PHLPP1: variants seen among roughly 807,000 people sequenced by gnomAD.
The protein encoded by PHLPP1 is PH domain and leucine rich repeat protein phosphatase 1.
Under a neutral mutation model 117.2 loss-of-function variants are expected in PHLPP1, and 42 were observed. The observed-to-expected ratio is 0.36, with a 90% CI of 0.28 to 0.46. The LOEUF (loss-of-function observed/expected upper bound fraction) is 0.46. Ranked by LOEUF, PHLPP1 falls within the 20% of genes least tolerant of loss-of-function variation. PHLPP1 has a pLI of 1.00. For synonymous variants in PHLPP1, 1,042 were observed against 970.7 expected (o/e 1.07, Z -1.37); for missense variants, 2,084 against 2,241.9 (o/e 0.93, Z 1.42).
rs114316688 is a variant in PHLPP1 at position 62,916,605 on chromosome 18, G to T, written c.2804+1597G>T. On this transcript the variant is annotated intron_variant, in intron 9 of 16. Coordinates refer to ENST00000262719, the MANE Select transcript of PHLPP1 (RefSeq NM_194449.4). ...AGCCATCACCATTAACAAGAGGGTG[G>T]GTGTGTGTGTGTGTGTGTGTGTGTG... Among the ~76,000 whole-genome samples, 98 of 145,844 alleles carry T rather than the reference G, an allele frequency of 6.7e-4. 1 individual carries two copies. The highest frequency in any genetic ancestry group is 4.6e-3 in the East Asian group (23 of 4,992).
rs1465276387 is a variant in PHLPP1, at chr18:62,850,067, A to C, written c.1900-10368A>C. ...CTTGTATATTAGACTTGGAAATTAA[A>C]CATCAATTTTTTTTTTTTTTTTGTA... On this transcript the variant is annotated intron_variant, in intron 3 of 16. Transcript: ENST00000262719. Among the ~76,000 whole-genome samples the C allele has an allele frequency of 3.7e-5, 5 of 136,598 alleles. No homozygotes were observed. The Admixed American group carries it at 3.9e-4, about 11-fold the overall frequency. The allele number at this position is 136,598 out of a possible 152,430, so 89.6% of individuals were successfully genotyped here.
chr18:62,957,262 AG>A (rs1184297649), intron 12 of PHLPP1, among the ~76,000 whole-genome samples: 36 of 152,202 alleles, frequency 2.4e-4, no homozygotes, highest in Non-Finnish European at 4.9e-4. Context: ...CTCTTTTTAC[AG>A]TACACCTTAT....
At chr18:62,843,515 T>G (rs1387104621) in intron 3 of PHLPP1, among the ~76,000 whole-genome samples, 1 of 152,250 alleles carries the variant, frequency 6.6e-6, no homozygotes, top group East Asian at 1.9e-4. Context: ...ATACTTATTA[T>G]TTTTAAACTT....
At chr18:62,868,741 C>T (rs905449643) in intron 4 of PHLPP1, among the ~76,000 whole-genome samples, 5 of 152,140 alleles carry the variant, frequency 3.3e-5, no homozygotes, top group Middle Eastern at 3.4e-3. Flanking sequence ...TTTCCCAAAC[C>T]TATCATTGAT....
intron 4 of PHLPP1, among the ~76,000 whole-genome samples, chr18:62,865,488 A>T (rs539198858): frequency 6.6e-6 from 1 of 152,202 alleles, no homozygotes; most frequent in East Asian, 1.9e-4. Context: ...TGAGGTTTGA[A>T]ATTATTGGGA....
chr18:62,871,842 A>G (rs1915911844), intron 4 of PHLPP1, among the ~76,000 whole-genome samples: 1 of 151,666 alleles, frequency 6.6e-6, no homozygotes. Flanking sequence ...ATGGGGTTTC[A>G]CCATGTTGGC....
At chr18:62,826,778 GGATCAC>G (rs1339871357) in intron 1 of PHLPP1, among the ~76,000 whole-genome samples, 2 of 152,088 alleles carry the variant, frequency 1.3e-5, no homozygotes, top group African/African-American at 4.8e-5. Flanking sequence ...CGAGGTGGGT[GGATCAC>G]GAGGTCAGGA....
chr18:62,769,946 G>A (rs962709198), intron 1 of PHLPP1, among the ~76,000 whole-genome samples: 4 of 151,980 alleles, frequency 2.6e-5, no homozygotes, highest in Non-Finnish European at 4.4e-5. Flanking sequence ...GTGAAATCTT[G>A]GACAACTCAT....
rs1454275142 is a variant in PHLPP1, at chr18:62,716,266, G to A, written c.583G>A (p.Val195Met). 6.5e-7 allele frequency: 1 copy of A among 1,530,950 alleles called. No individual in the cohort carries two copies. Among genetic ancestry groups the A allele is most frequent in the South Asian group, 1.2e-5 (1 of 83,232 alleles). The allele number at this position is 1,530,950 out of a possible 1,614,324, so 94.8% of individuals were successfully genotyped here. Reference sequence around the variant, plus strand: ...GCTGCAGCCGTCGGACCGGGACTGGGTGAGGCACCAGCTCCAGCGCGGCTG... The same window carrying A: ...GCTGCAGCCGTCGGACCGGGACTGGATGAGGCACCAGCTCCAGCGCGGCTG... Reference protein sequence around the residue: ...LQLQPSDRDWVRHQLQRGCVH... With the variant: ...LQLQPSDRDWMRHQLQRGCVH... The change falls in exon 1 of 17, where the codon GTG (valine) becomes ATG (methionine). Residue 195 changes from valine (V) to methionine (M), a missense_variant. This residue lies in a region of PHLPP1 where 719 missense variants were observed against 636.0 expected (regional missense o/e 1.13). Transcript: ENST00000262719. The surrounding 1 kb of genome is among the most constrained non-coding windows in gnomAD (Gnocchi z 5.7).
chr18:62,971,211 C>T (rs1003897044), intron 14 of PHLPP1, among the ~76,000 whole-genome samples: 5 of 152,086 alleles, frequency 3.3e-5, no homozygotes, highest in Admixed American at 6.6e-5. Context: ...CTTGCAGTAT[C>T]TGTAGTTTTA....
chr18:62,773,114 G>A (rs1912844603), intron 1 of PHLPP1, among the ~76,000 whole-genome samples: 1 of 152,100 alleles, frequency 6.6e-6, no homozygotes, highest in Non-Finnish European at 1.5e-5. Flanking sequence ...ATTTTGTCAT[G>A]CTGGGAACCC....
In PHLPP1 at chr18:62,763,811, G is replaced by A. The variant is rs79854599; in HGVS notation, c.1576+46552G>A. 5.5e-3 allele frequency among the ~76,000 whole-genome samples: 829 copies of A among 152,054 alleles called. 13 individuals carry two copies. Among genetic ancestry groups the A allele is most frequent in the African/African-American group, 0.019 (789 of 41,486 alleles). On this transcript the variant is annotated intron_variant, in intron 1 of 16. Transcript: ENST00000262719. ...CACCAGAGATTTTTTTTTCTATGGG[G>A]CAGACCTAGATTCTGTCTCTTCAGT...
At chr18:62,922,267 G>C (rs1242192789) in intron 10 of PHLPP1, among the ~76,000 whole-genome samples, 1 of 152,130 alleles carries the variant, frequency 6.6e-6, no homozygotes, top group Admixed American at 6.5e-5. Flanking sequence ...CTCCCAAATA[G>C]CCGGGATTAC....
At position 62,979,077 on chromosome 18, in the gene PHLPP1, C is replaced by A. The variant is rs201801818; in HGVS notation, c.4800C>A (p.Asn1600Lys). 6.2e-7 allele frequency: 1 copy of A among 1,613,850 alleles called. No individual in the cohort carries two copies. The highest frequency in any genetic ancestry group is 1.1e-5 in the South Asian group (1 of 91,056). Residue 1600 changes from asparagine (N) to lysine (K), a missense_variant, in exon 17 of 17, where the codon AAC becomes AAA. Asn to Lys is a moderately conservative substitution (Grantham distance 94). Around this residue, in one of 2 missense-constraint regions of PHLPP1, gnomAD observed 1,365 missense variants for 1,605.9 expected, o/e 0.85. Coordinates refer to ENST00000262719, the MANE Select transcript of PHLPP1 (RefSeq NM_194449.4). ...ASDEGIVISANEDEPGLPRKA... is the reference protein window; with the variant it reads ...ASDEGIVISAKEDEPGLPRKA... ...ATGAGGGCATTGTCATCAGCGCCAA[C>A]GAGGATGAGCCAGGTCTGCCCAGGA... is the stretch of plus-strand genomic sequence containing the variant.
intron 2 of PHLPP1, among the ~76,000 whole-genome samples, chr18:62,835,225 CAG>C (rs1297144769): frequency 6.8e-6 from 1 of 146,124 alleles, no homozygotes; most frequent in African/African-American, 2.5e-5. Flanking sequence ...TTTTTTGAGA[CAG>C]AGTCTGTCTC....
chr18:62,775,122 G>A (rs922132599), intron 1 of PHLPP1, among the ~76,000 whole-genome samples: 4 of 152,054 alleles, frequency 2.6e-5, no homozygotes, highest in African/African-American at 9.7e-5. Flanking sequence ...CTTGGAGACG[G>A]AATCTCATTC....
intron 10 of PHLPP1, among the ~76,000 whole-genome samples, chr18:62,929,950 AAAAAC>A (rs1181915058): frequency 1.3e-5 from 2 of 152,130 alleles, no homozygotes; most frequent in Non-Finnish European, 2.9e-5. Flanking sequence ...GACCGTCTCT[AAAAAC>A]AAAATAAAAA....
At chr18:62,765,278 C>G (rs1912430923) in intron 1 of PHLPP1, among the ~76,000 whole-genome samples, 1 of 152,172 alleles carries the variant, frequency 6.6e-6, no homozygotes, top group African/African-American at 2.4e-5. Context: ...TGGTCATTCT[C>G]TTTTTCTGTC....
intron 1 of PHLPP1, among the ~76,000 whole-genome samples, chr18:62,795,214 A>G (rs1913590683): frequency 6.6e-6 from 1 of 152,242 alleles, no homozygotes; most frequent in African/African-American, 2.4e-5. Context: ...GCGATGGCTC[A>G]CACTTGTAAT....
Sources: gnomAD v4.1 joint callset for allele counts (sites outside exome capture counted in the v4.1 genomes callset) on GRCh38, gnomAD v4.1.1 for gene constraint, gnomAD v4.1.1 regional missense constraint, Gnocchi (gnomAD v3.1) non-coding constraint, MANE v1.5 for transcripts, NCBI Gene and HGNC (gene_info 2026-07-23, HGNC 2026-07-21) for gene names.